Variants in STXBP6 observed in about 807,000 individuals in gnomAD.
STXBP6 encodes the protein syntaxin-binding protein 6.
Under a neutral mutation model 26.9 loss-of-function variants are expected in STXBP6, and 21 were observed. The observed-to-expected ratio is 0.78, with a 90% confidence interval of 0.55 to 1.12. STXBP6 has a LOEUF of 1.12. Ranked by LOEUF, STXBP6 falls within the 50% of genes most tolerant of loss-of-function variation. The pLI is 0.00. For synonymous variants in STXBP6, 97 were observed against 92.6 expected (o/e 1.05, Z -0.27); for missense variants, 232 against 257.9 (o/e 0.90, Z 0.69).
chr14:24,904,805 C>A (rs1595081798), intron 2 of STXBP6, among the ~76,000 whole-genome samples: 1 of 152,210 alleles, frequency 6.6e-6, no homozygotes, highest in Admixed American at 6.5e-5. Flanking sequence ...AGAAAAATTT[C>A]TGTTGTTTAA....
chr14:24,911,411 GGAA>G lies in STXBP6; in HGVS notation c.155-54257_155-54255del, dbSNP rs535171540. 4.6e-5 allele frequency among the ~76,000 whole-genome samples: 7 copies of G among 151,204 alleles called. No homozygotes were observed. The East Asian group carries it at 7.8e-4, about 17-fold the overall frequency. On this transcript the variant is annotated intron_variant, in intron 2 of 5. Transcript: ENST00000323944. ...AGAGAGAGAAAGGAAAGAAAGGAAA[GGAA>G]GAAGAAGGAAAGGAAGGAAAGAAAG...
rs75908721 is a variant in STXBP6, at chr14:24,840,780, A to C, written c.451+15156T>G. 3.0e-3 allele frequency among the ~76,000 whole-genome samples: 452 copies of C among 152,310 alleles called. 22 individuals are homozygous for C. In the East Asian group the frequency reaches 0.084, roughly 28 times the overall value. ...CTGATTTTGGATAATTTTCAAGAAA[A>C]GAGGTGACTATCCTTTATATTCTAT... On this transcript the variant is annotated intron_variant, in intron 4 of 5. Transcript: ENST00000323944.
rs185981505 is a variant in STXBP6, at chr14:24,902,391, T to C, written c.155-45234A>G. ...GGATATAGAGTGTATATGGTTGCTATGGACTGAATATTTGTCCCCCACCTC... is the reference window on the plus strand; with the variant it reads ...GGATATAGAGTGTATATGGTTGCTACGGACTGAATATTTGTCCCCCACCTC... On this transcript the variant is annotated intron_variant, in intron 2 of 5. Transcript: ENST00000323944. Among the ~76,000 whole-genome samples, 12 of 152,318 alleles carry C rather than the reference T, an allele frequency of 7.9e-5. No homozygotes were observed. The East Asian group carries it at 2.1e-3, about 27-fold the overall frequency.
Position 25,049,864 on chromosome 14 carries a change from C to G in STXBP6, c.-33+14G>C. The stretch of plus-strand genomic sequence containing the variant: ...TCCGCCCTGACCGCCTGGCTCCCCT[C>G]GCCCCGGTCCTACCGTGCAGCCTGG... On this transcript the variant is annotated intron_variant, in intron 1 of 5. Coordinates refer to ENST00000323944, the MANE Select transcript of STXBP6 (RefSeq NM_001394410.1). The surrounding 1 kb of genome is among the most constrained non-coding windows in gnomAD (Gnocchi z 5.6). The G allele has an allele frequency of 1.0e-6, 1 of 985,488 alleles. No homozygotes were observed. Among genetic ancestry groups the G allele is most frequent in the Non-Finnish European group, 1.2e-6 (1 of 830,044 alleles). The allele number at this position is 985,488 out of a possible 1,614,324, so 61.0% of individuals were successfully genotyped here.
At chr14:25,038,067 G>A (rs1370660232) in intron 1 of STXBP6, among the ~76,000 whole-genome samples, 5 of 149,228 alleles carry the variant, frequency 3.4e-5, no homozygotes, top group Admixed American at 1.3e-4. Context: ...TTAAAAATAC[G>A]AACACACACA....
intron 1 of STXBP6, among the ~76,000 whole-genome samples, chr14:24,998,972 C>CAG (rs1228008100): frequency 6.6e-6 from 1 of 151,870 alleles, no homozygotes; most frequent in African/African-American, 2.4e-5. Context: ...GCTCTCAAAC[C>CAG]AGTGAACACA....
At chr14:25,003,861 G>A (rs1414304428) in intron 1 of STXBP6, among the ~76,000 whole-genome samples, 2 of 152,210 alleles carry the variant, frequency 1.3e-5, no homozygotes, top group East Asian at 3.8e-4. Flanking sequence ...ATGTTCCCCA[G>A]GGAAAGACCT....
intron 4 of STXBP6, among the ~76,000 whole-genome samples, chr14:24,827,248 A>T (rs2068312939): frequency 6.6e-6 from 1 of 152,164 alleles, no homozygotes; most frequent in Non-Finnish European, 1.5e-5. Flanking sequence ...TATTTTTCAT[A>T]TGAACTAGTG....
At chr14:24,981,282 T>C (rs543247953) in intron 1 of STXBP6, among the ~76,000 whole-genome samples, 1 of 152,260 alleles carries the variant, frequency 6.6e-6, no homozygotes, top group Admixed American at 6.5e-5. Flanking sequence ...GTGAGTATTT[T>C]TTTTTTTTGA....
At chr14:24,900,003 C>T (rs2071155747) in intron 2 of STXBP6, among the ~76,000 whole-genome samples, 1 of 152,250 alleles carries the variant, frequency 6.6e-6, no homozygotes, top group South Asian at 2.1e-4. Flanking sequence ...ACTTGCTAAA[C>T]ACCACACAGC....
chr14:24,829,835 G>A (rs2068404236), intron 4 of STXBP6, among the ~76,000 whole-genome samples: 1 of 152,100 alleles, frequency 6.6e-6, no homozygotes, highest in Non-Finnish European at 1.5e-5. Flanking sequence ...GAGGCAGGAT[G>A]TGTATGGTTA....
intron 4 of STXBP6, among the ~76,000 whole-genome samples, chr14:24,837,610 A>G (rs1475186908): frequency 6.6e-6 from 1 of 152,220 alleles, no homozygotes; most frequent in Non-Finnish European, 1.5e-5. Context: ...TACACATAGA[A>G]CACCTAACAT....
chr14:24,972,209 C>T (rs1305011696), intron 2 of STXBP6, among the ~76,000 whole-genome samples: 1 of 152,014 alleles, frequency 6.6e-6, no homozygotes, highest in African/African-American at 2.4e-5. Flanking sequence ...AAAAGATTTT[C>T]CTCCATTAGA....
Position 24,856,028 on chromosome 14 carries a change from C to T in STXBP6, c.359G>A (p.Cys120Tyr), listed in dbSNP as rs776729224. 4.3e-6 allele frequency: 7 copies of T among 1,611,496 alleles called. No individual in the cohort carries two copies. The African/African-American group carries it at 8.0e-5, about 18-fold the overall frequency. ...ATGGTGGAGGATCTGGAAGAAGGTG[C>T]ATTTTTCTGACGCTGTGCTGGCTAC... ...QWVASTASEK[C>Y]TFFQILHHTC... The change falls in exon 4 of 6, where the codon TGC becomes TAC. Residue 120 changes from cysteine (C) to tyrosine (Y), a missense_variant. Coordinates refer to ENST00000323944, the MANE Select transcript of STXBP6 (RefSeq NM_001394410.1).
At chr14:24,872,547 G>A (rs2069975779) in intron 2 of STXBP6, among the ~76,000 whole-genome samples, 1 of 152,170 alleles carries the variant, frequency 6.6e-6, no homozygotes, top group Admixed American at 6.5e-5. Context: ...TAGAGGAAGT[G>A]ACTGACACAG....
At chr14:24,893,469 T>A (rs1320630106) in intron 2 of STXBP6, among the ~76,000 whole-genome samples, 1 of 152,202 alleles carries the variant, frequency 6.6e-6, no homozygotes, top group East Asian at 1.9e-4. Context: ...TCTGTGTTCT[T>A]ATTCGCCAAG....
chr14:24,910,775 C>T (rs995381978), intron 2 of STXBP6, among the ~76,000 whole-genome samples: 8 of 152,308 alleles, frequency 5.3e-5, no homozygotes, highest in Admixed American at 5.2e-4. Context: ...AAAACAACCA[C>T]TACCACGCAG....
chr14:24,818,210 G>GA lies in STXBP6; in HGVS notation c.609+826dup, dbSNP rs112094526. 2,850 of 437,634 alleles carry GA rather than the reference G, an allele frequency of 6.5e-3. 80 individuals carry two copies. Among genetic ancestry groups the GA allele is most frequent in the African/African-American group, 0.054 (2,605 of 48,584 alleles). 27.1% of individuals were successfully genotyped at this position (437,634 alleles called of 1,614,324 possible). A position where few individuals can be genotyped will look rare whatever the true frequency, so the allele number is the denominator to read the frequency against. On this transcript the variant is annotated intron_variant, in intron 5 of 5. Coordinates refer to ENST00000323944, the MANE Select transcript of STXBP6 (RefSeq NM_001394410.1). ...AAGGCTAAATTCAAACCACTAACCA[G>GA]AAAAAAAACTGCCCTTTGATCTGAA...
intron 2 of STXBP6, among the ~76,000 whole-genome samples, chr14:24,884,041 A>G (rs2070478058): frequency 6.6e-6 from 1 of 152,182 alleles, no homozygotes; most frequent in African/African-American, 2.4e-5. Context: ...AATAAATTTC[A>G]TAATCAATTT....
Sources: allele counts gnomAD v4.1 joint callset (sites outside exome capture counted in the v4.1 genomes callset), GRCh38; gene constraint gnomAD v4.1.1; non-coding constraint Gnocchi (gnomAD v3.1); transcripts MANE v1.5; gene names NCBI Gene and HGNC (gene_info 2026-07-23, HGNC 2026-07-21).